The following ELF2 variants were observed in gnomAD, a reference collection of about 807,000 sequenced individuals.
ELF2 encodes ETS-related transcription factor Elf-2.
A neutral mutation model predicts 54.8 loss-of-function variants in ELF2; 11 were observed. The ratio of observed to expected loss-of-function variants is 0.20; its 90% confidence interval spans 0.13 to 0.33. ELF2 has a LOEUF of 0.33. ELF2 is among the 10% of genes least tolerant of loss of function. The probability of loss-of-function intolerance (pLI) is 1.00; values close to 1 mark genes in which losing one functional copy is unlikely to be tolerated. For synonymous variants in ELF2, 203 were observed against 245.1 expected (o/e 0.83, Z 1.61); for missense variants, 513 against 703.0 (o/e 0.73, Z 3.06).
At chr4:139,073,625 T>C in intron 4 of ELF2, 58 bp from the exon 5 acceptor site, 1 of 939,568 alleles carries the variant, frequency 1.1e-6, no homozygotes, top group South Asian at 2.6e-5. Context: ...GACTAAAACA[T>C]ATTACTAAGA....
At chr4:139,169,751 G>A (rs1175344702) in intron 1 of ELF2, among the ~76,000 whole-genome samples, 1 of 151,828 alleles carries the variant, frequency 6.6e-6, no homozygotes, top group East Asian at 1.9e-4. Flanking sequence ...CAGCTACTCG[G>A]GAGGCTGAGG....
intron 3 of ELF2, among the ~76,000 whole-genome samples, chr4:139,130,033 A>T (rs1020048684): frequency 5.3e-5 from 8 of 152,126 alleles, no homozygotes; most frequent in African/African-American, 1.9e-4. Flanking sequence ...AAGACAAGAT[A>T]ATTAAGATGA....
chr4:139,119,302 C>T (rs1736076273), intron 4 of ELF2, among the ~76,000 whole-genome samples: 1 of 152,208 alleles, frequency 6.6e-6, no homozygotes, highest in African/African-American at 2.4e-5. Flanking sequence ...CCTTTCTTTA[C>T]TAAGCTTTAG....
intron 1 of ELF2, among the ~76,000 whole-genome samples, chr4:139,169,803 A>G (rs578041492): frequency 4.9e-4 from 74 of 150,652 alleles, no homozygotes; most frequent in African/African-American, 1.6e-3. Context: ...CTTGCCATAA[A>G]CTGAGATCTC....
chr4:139,149,004 C>T (rs191881082), intron 1 of ELF2, among the ~76,000 whole-genome samples: 1 of 152,272 alleles, frequency 6.6e-6, no homozygotes, highest in Admixed American at 6.5e-5. Flanking sequence ...GAAAAAAATT[C>T]AACCAAGACT....
chr4:139,115,532 C>T (rs1219428196), intron 4 of ELF2, among the ~76,000 whole-genome samples: 1 of 151,522 alleles, frequency 6.6e-6, no homozygotes, highest in East Asian at 1.9e-4. Context: ...CTGGCCTGGC[C>T]GCGCCCCCTG....
chr4:139,059,441 T>C lies in ELF2; in HGVS notation c.1324A>G (p.Met442Val). The C allele has an allele frequency of 6.2e-7, 1 of 1,613,990 alleles. No homozygotes were observed. The highest frequency in any genetic ancestry group is 1.3e-5 in the African/African-American group (1 of 75,056). ...KVVIQTIPTV[M>V]PASTENGDKI... Reference sequence around the variant, plus strand: ...TCTCCATTTTCAGTAGAAGCTGGCATCACAGTAGGGATTGTCTGAATGACT... The same window carrying C: ...TCTCCATTTTCAGTAGAAGCTGGCACCACAGTAGGGATTGTCTGAATGACT... The change falls in exon 10 of 10, where the codon ATG (methionine) becomes GTG (valine). Residue 442 changes from methionine to valine, a missense_variant. Physicochemically the swap from Met to Val is conservative, Grantham distance 21 (BLOSUM62 1). Transcript: ENST00000686138.
intron 6 of ELF2, among the ~76,000 whole-genome samples, chr4:139,069,829 A>G (rs1426146884): frequency 1.3e-5 from 2 of 151,594 alleles, no homozygotes; most frequent in East Asian, 3.9e-4. Flanking sequence ...TAGTAAGTAC[A>G]GACAGAATGG....
intron 4 of ELF2, among the ~76,000 whole-genome samples, chr4:139,108,110 G>A (rs1213323910): frequency 2.6e-5 from 4 of 152,182 alleles, no homozygotes; most frequent in Non-Finnish European, 5.9e-5. Flanking sequence ...ATGATAGGCT[G>A]TCATTAAATT....
chr4:139,084,052 C>T lies in ELF2; in HGVS notation c.239-10485G>A, dbSNP rs539957749. 208 of 1,605,708 alleles carry T rather than the reference C, an allele frequency of 1.3e-4. No homozygotes were observed. In the East Asian group the frequency reaches 4.6e-3, roughly 35 times the overall value. Reference sequence around the variant, plus strand: ...GACACTGTACCCCCAGCACAGACTGCTACAGGGGAGTCACCCCGCCTTCTG... The same window carrying T: ...GACACTGTACCCCCAGCACAGACTGTTACAGGGGAGTCACCCCGCCTTCTG... On this transcript the variant is annotated intron_variant, in intron 4 of 9. Transcript: ENST00000686138.
At chr4:139,115,265 C>G (rs1225505754) in intron 4 of ELF2, 4 of 1,603,870 alleles carry the variant, frequency 2.5e-6, no homozygotes, top group Non-Finnish European at 2.5e-6. Context: ...CCCTCTCCTG[C>G]GGTCCCGGGG....
intron 4 of ELF2, chr4:139,084,305 T>C: frequency 6.4e-7 from 1 of 1,559,624 alleles, no homozygotes; most frequent in Non-Finnish European, 8.7e-7. Context: ...CGACACACAC[T>C]CACGCACTCG....
intron 4 of ELF2, among the ~76,000 whole-genome samples, chr4:139,077,536 GT>G (rs1410815474): frequency 6.6e-6 from 1 of 152,052 alleles, no homozygotes; most frequent in East Asian, 1.9e-4. Flanking sequence ...ACTAATGCCA[GT>G]TTCCAAAACT....
intron 4 of ELF2, among the ~76,000 whole-genome samples, chr4:139,075,550 C>T (rs1006065042): frequency 2.0e-5 from 3 of 152,218 alleles, no homozygotes; most frequent in African/African-American, 7.2e-5. Flanking sequence ...CTGCCTCAGC[C>T]TCCTGAGTAG....
At chr4:139,131,717 C>G (rs965078982) in intron 3 of ELF2, among the ~76,000 whole-genome samples, 1 of 151,598 alleles carries the variant, frequency 6.6e-6, no homozygotes, top group African/African-American at 2.4e-5. Context: ...CAAATAAATA[C>G]GTCACTAGAA....
At chr4:139,147,930 G>T (rs1739412724) in intron 1 of ELF2, among the ~76,000 whole-genome samples, 1 of 151,776 alleles carries the variant, frequency 6.6e-6, no homozygotes, top group South Asian at 2.1e-4. Context: ...GGGATTACAG[G>T]CATGCGCCAC....
At chr4:139,110,847 C>A (rs1272218096) in intron 4 of ELF2, among the ~76,000 whole-genome samples, 3 of 152,154 alleles carry the variant, frequency 2.0e-5, no homozygotes, top group Non-Finnish European at 4.4e-5. Context: ...TATCCGGAAT[C>A]TTCCATACTT....
chr4:139,093,212 A>G (rs1013605519), intron 4 of ELF2, among the ~76,000 whole-genome samples: 1 of 151,816 alleles, frequency 6.6e-6, no homozygotes, highest in African/African-American at 2.4e-5. Flanking sequence ...TGATCCGCCC[A>G]CCTCGGCCTC....
chr4:139,083,989 C>G (rs1175475916), intron 4 of ELF2: 3 of 1,354,668 alleles, frequency 2.2e-6, no homozygotes, highest in East Asian at 2.5e-5. Flanking sequence ...TTCATTCACT[C>G]CCCCCTTTCC....
Sources: gnomAD v4.1 joint callset for allele counts (sites outside exome capture counted in the v4.1 genomes callset) on GRCh38, gnomAD v4.1.1 for gene constraint, MANE v1.5 for transcripts, NCBI Gene and HGNC (gene_info 2026-07-23, HGNC 2026-07-21) for gene names.